MYO3B: variants seen among roughly 807,000 people sequenced by gnomAD.
MYO3B encodes the protein myosin-IIIb.
In MYO3B, 156 loss-of-function variants were observed where a neutral mutation model predicts 174.6. The observed-to-expected ratio is 0.89, with a 90% CI of 0.78 to 1.02. MYO3B has a LOEUF of 1.02. Among genes scored for constraint, MYO3B ranks in the 50% least tolerant of loss-of-function variants. The pLI is 0.00. For synonymous variants in MYO3B, 563 were observed against 569.1 expected, an observed-to-expected ratio of 0.99 and a Z score of 0.15; for missense variants, 1,632 against 1,639.4, an observed-to-expected ratio of 1.00 and a Z score of 0.08.
chr2:170,343,047 ACACAC>A (rs2093988453), intron 8 of MYO3B, among the ~76,000 whole-genome samples: 1 of 132,360 alleles, frequency 7.6e-6, no homozygotes, highest in African/African-American at 3.0e-5. Flanking sequence ...ACACACACAC[ACACAC>A]ACACACACAC....
At chr2:170,514,246 G>A (rs1290164692) in intron 28 of MYO3B, among the ~76,000 whole-genome samples, 2 of 152,336 alleles carry the variant, frequency 1.3e-5, no homozygotes, top group Admixed American at 6.5e-5. Flanking sequence ...CATGGAGAAC[G>A]GAAGAAGAGA....
intron 32 of MYO3B, among the ~76,000 whole-genome samples, chr2:170,650,126 A>G (rs187846701): frequency 0.18 from 24,688 of 136,574 alleles, 2,117 homozygotes; most frequent in African/African-American, 0.23. Context: ...TCTGCCTCCC[A>G]GGTTCAAGTG....
At chr2:170,452,680 T>C (rs1443062946) in intron 23 of MYO3B, among the ~76,000 whole-genome samples, 2 of 152,204 alleles carry the variant, frequency 1.3e-5, no homozygotes, top group African/African-American at 4.8e-5. Context: ...TTAACTAAGG[T>C]TATAACTTAA....
intron 32 of MYO3B, among the ~76,000 whole-genome samples, chr2:170,599,183 C>T (rs1406845498): frequency 6.6e-6 from 1 of 152,180 alleles, no homozygotes; most frequent in East Asian, 1.9e-4. Flanking sequence ...CCTAGTCATT[C>T]TCTATCTCTG....
intron 8 of MYO3B, among the ~76,000 whole-genome samples, chr2:170,336,853 G>T (rs1250706046): frequency 6.6e-6 from 1 of 152,048 alleles, no homozygotes; most frequent in Non-Finnish European, 1.5e-5. Context: ...ATAGTTCAGG[G>T]TCCCTGAATT....
intron 32 of MYO3B, among the ~76,000 whole-genome samples, chr2:170,549,811 T>C (rs559205563): frequency 1.3e-5 from 2 of 152,322 alleles, no homozygotes; most frequent in East Asian, 3.9e-4. Context: ...GGCAAGACTA[T>C]GCCTCAGATC....
At chr2:170,390,370 G>A (rs2094403869) in intron 14 of MYO3B, among the ~76,000 whole-genome samples, 1 of 152,246 alleles carries the variant, frequency 6.6e-6, no homozygotes, top group South Asian at 2.1e-4. Flanking sequence ...TGAGGCTGCA[G>A]TGAGCTATGA....
At chr2:170,332,418 G>T (rs187330776) in intron 7 of MYO3B, 3 of 152,218 alleles carry the variant, frequency 2.0e-5, no homozygotes, top group Admixed American at 2.0e-4. Context: ...AACAGAGAGA[G>T]GAGCACTCAC....
intron 1 of MYO3B, 38 bp from the exon 2 acceptor site, chr2:170,199,170 G>T (rs777978426): frequency 7.0e-7 from 1 of 1,436,124 alleles, no homozygotes; most frequent in South Asian, 1.6e-5. Context: ...CCCCAGTTCT[G>T]TGATCTGTTG....
chr2:170,500,464 G>C (rs189801779), intron 27 of MYO3B, among the ~76,000 whole-genome samples: 6 of 152,142 alleles, frequency 3.9e-5, no homozygotes, highest in African/African-American at 9.7e-5. Context: ...AATATCTTCT[G>C]GAGGAGTTTG....
At chr2:170,329,059 G>A (rs1438696546) in intron 7 of MYO3B, among the ~76,000 whole-genome samples, 1 of 151,888 alleles carries the variant, frequency 6.6e-6, no homozygotes, top group African/African-American at 2.4e-5. Flanking sequence ...AGCTGAGACA[G>A]GAGAATCACT....
chr2:170,598,012 A>C (rs1186673858), intron 32 of MYO3B, among the ~76,000 whole-genome samples: 1 of 152,238 alleles, frequency 6.6e-6, no homozygotes, highest in Non-Finnish European at 1.5e-5. Context: ...TTAATTTTCC[A>C]GAAAATATCT....
At chr2:170,631,120 C>T (rs542614595) in intron 32 of MYO3B, among the ~76,000 whole-genome samples, 14 of 152,130 alleles carry the variant, frequency 9.2e-5, no homozygotes, top group Admixed American at 1.3e-4. Context: ...GGAGGAAGTT[C>T]GAACCCATCG....
intron 12 of MYO3B, 84 bp downstream of exon 12, chr2:170,383,898 A>G: frequency 8.8e-7 from 1 of 1,139,628 alleles, no homozygotes; most frequent in Non-Finnish European, 1.3e-6. Context: ...TCTTCCTGAA[A>G]CCTTTCCATT....
rs1422594408 is a variant in MYO3B, at chr2:170,542,909, T to A, written c.3579T>A (p.His1193Gln). Residue 1193 changes from histidine to glutamine, a missense_variant, in exon 31 of 35, where the codon CAT becomes CAA. By Grantham distance (24) the His-to-Gln change is conservative. Transcript: ENST00000408978. ...NSPAVTEKNG[H>Q]SQAQSSPKGC... ...ATTATTATTGTTATCTTTTCAGGCA[T>A]TCACAAGCCCAGAGTTCTCCAAAAG... The A allele has an allele frequency of 6.2e-7, 1 of 1,601,172 alleles. No homozygotes were observed. Among genetic ancestry groups the A allele is most frequent in the Non-Finnish European group, 8.5e-7 (1 of 1,173,684 alleles).
At chr2:170,285,735 G>C (rs150152822) in intron 7 of MYO3B, among the ~76,000 whole-genome samples, 105 of 151,130 alleles carry the variant, frequency 6.9e-4, no homozygotes, top group African/African-American at 2.5e-3. Context: ...CAAATTTCTC[G>C]ATCTTTTTAT....
At chr2:170,259,294 C>T (rs1272413269) in intron 7 of MYO3B, among the ~76,000 whole-genome samples, 5 of 152,230 alleles carry the variant, frequency 3.3e-5, no homozygotes, top group East Asian at 1.9e-4. Flanking sequence ...AGAGGCATCA[C>T]GTCACTCAAC....
chr2:170,276,164 C>G (rs1350453382), intron 7 of MYO3B, among the ~76,000 whole-genome samples: 1 of 152,164 alleles, frequency 6.6e-6, no homozygotes, highest in Admixed American at 6.6e-5. Flanking sequence ...CCCACCTATA[C>G]CCACTTTCAC....
At chr2:170,325,293 C>T (rs1386087436) in intron 7 of MYO3B, among the ~76,000 whole-genome samples, 4 of 152,118 alleles carry the variant, frequency 2.6e-5, no homozygotes, top group Middle Eastern at 3.4e-3. Context: ...CTGCAACCTC[C>T]GCCTCCCAGG....
Sources: gnomAD v4.1 joint callset for allele counts (sites outside exome capture counted in the v4.1 genomes callset) on GRCh38, gnomAD v4.1.1 for gene constraint, MANE v1.5 for transcripts, NCBI Gene and HGNC (gene_info 2026-07-23, HGNC 2026-07-21) for gene names.